Variants in FBXL7 observed in about 807,000 individuals in gnomAD.
FBXL7 encodes F-box and leucine rich repeat protein 7.
In FBXL7, 12 loss-of-function variants were observed where a neutral mutation model predicts 38.3. The observed-to-expected ratio is 0.31, with a 90% CI of 0.20 to 0.51. The LOEUF (loss-of-function observed/expected upper bound fraction) is 0.51, where lower values mean the gene tolerates loss of function less well. Ranked by LOEUF, FBXL7 falls within the 20% of genes least tolerant of loss-of-function variation. The probability of loss-of-function intolerance (pLI) is 0.98; values close to 1 mark genes in which losing one functional copy is unlikely to be tolerated. For missense variants in FBXL7, 567 were observed against 676.4 expected (o/e 0.84, Z 1.79); for synonymous variants, 297 against 300.9 (o/e 0.99, Z 0.13).
intron 2 of FBXL7, among the ~76,000 whole-genome samples, chr5:15,672,972 TC>T (rs1742530979): frequency 6.6e-6 from 1 of 152,196 alleles, no homozygotes. Flanking sequence ...CACCAGATTT[TC>T]CAGATGAGTG....
intron 1 of FBXL7, chr5:15,501,683 C>G: frequency 7.1e-6 from 7 of 985,412 alleles, no homozygotes; most frequent in African/African-American, 1.7e-5. Context: ...GGAGGAAACT[C>G]TTATCATCCT....
rs545316230 is a variant in FBXL7, at chr5:15,880,475, A to G, written c.128-47415A>G. On this transcript the variant is annotated intron_variant, in intron 2 of 3. Coordinates refer to ENST00000504595, the MANE Select transcript of FBXL7 (RefSeq NM_012304.5). ...GTGAACAGGTGCCCACCTGGGAACT[A>G]TGCAACCCAGTGACAAAGACAGAAG... Among the ~76,000 whole-genome samples the G allele has an allele frequency of 9.2e-5, 14 of 152,292 alleles. 1 individual carries two copies. The South Asian group carries it at 1.5e-3, about 16-fold the overall frequency.
intron 2 of FBXL7, among the ~76,000 whole-genome samples, chr5:15,744,169 C>G (rs754337657): frequency 6.6e-6 from 1 of 152,226 alleles, no homozygotes; most frequent in South Asian, 2.1e-4. Flanking sequence ...CTGAAGCCAG[C>G]TTAAATTTCT....
At chr5:15,724,621 ATT>A (rs1298925559) in intron 2 of FBXL7, among the ~76,000 whole-genome samples, 1 of 152,126 alleles carries the variant, frequency 6.6e-6, no homozygotes, top group Admixed American at 6.5e-5. Context: ...GGGGTCTGAA[ATT>A]TTTGCTGAGC....
intron 1 of FBXL7, among the ~76,000 whole-genome samples, chr5:15,513,962 C>G (rs1354057293): frequency 1.3e-5 from 2 of 152,066 alleles, no homozygotes; most frequent in Non-Finnish European, 2.9e-5. Context: ...ACCCTGCAAT[C>G]CTGTTTGGAG....
chr5:15,886,751 A>G (rs1326749651), intron 2 of FBXL7, among the ~76,000 whole-genome samples: 2 of 152,194 alleles, frequency 1.3e-5, no homozygotes, highest in Non-Finnish European at 2.9e-5. Context: ...TTCTAATAAA[A>G]TCTGACAAAA....
intron 1 of FBXL7, among the ~76,000 whole-genome samples, chr5:15,581,314 A>G (rs2126467602): frequency 6.6e-6 from 1 of 152,206 alleles, no homozygotes; most frequent in African/African-American, 2.4e-5. Flanking sequence ...AATGCATGAA[A>G]GACTAAATTC....
At chr5:15,834,702 A>G (rs930919554) in intron 2 of FBXL7, among the ~76,000 whole-genome samples, 2 of 152,144 alleles carry the variant, frequency 1.3e-5, no homozygotes, top group African/African-American at 4.8e-5. Context: ...TCATATCACA[A>G]CTCTGCCACG....
chr5:15,702,186 C>T (rs1368985124), intron 2 of FBXL7, among the ~76,000 whole-genome samples: 2 of 150,472 alleles, frequency 1.3e-5, no homozygotes, highest in African/African-American at 2.5e-5. Flanking sequence ...TGCCATGATC[C>T]GAGATTGCGC....
intron 2 of FBXL7, among the ~76,000 whole-genome samples, chr5:15,886,118 C>T (rs1740665802): frequency 6.6e-6 from 1 of 152,082 alleles, no homozygotes; most frequent in Non-Finnish European, 1.5e-5. Flanking sequence ...TCAACTGAGG[C>T]ACAAAGCTGG....
intron 1 of FBXL7, among the ~76,000 whole-genome samples, chr5:15,530,450 T>A (rs948513280): frequency 6.6e-6 from 1 of 152,186 alleles, no homozygotes; most frequent in Non-Finnish European, 1.5e-5. Flanking sequence ...CATTAAGGGA[T>A]CCTAGATCTT....
At chr5:15,873,023 A>G (rs1473591664) in intron 2 of FBXL7, among the ~76,000 whole-genome samples, 1 of 152,150 alleles carries the variant, frequency 6.6e-6, no homozygotes, top group Non-Finnish European at 1.5e-5. Context: ...TCAACCACAT[A>G]ATTGGAAGTA....
chr5:15,918,586 G>A (rs967229083), intron 2 of FBXL7, among the ~76,000 whole-genome samples: 4 of 152,178 alleles, frequency 2.6e-5, no homozygotes, highest in Non-Finnish European at 4.4e-5. Context: ...CGCTTAGTTC[G>A]GATCAGACTC....
chr5:15,928,520 A>G lies in FBXL7; in HGVS notation c.739+19A>G, dbSNP rs752042697. On this transcript the variant is annotated intron_variant, in intron 3 of 3. Coordinates refer to ENST00000504595, the MANE Select transcript of FBXL7 (RefSeq NM_012304.5). This position sits in a 1 kb window ranked among gnomAD's most constrained non-coding sequence, Gnocchi z 4.0. The stretch of plus-strand genomic sequence containing the variant: ...GTGTCAGGTAAATGGACACTGACCT[A>G]CCAGCTATGGGCCCTCCTGGTGCAC... 1.9e-6 allele frequency: 3 copies of G among 1,595,670 alleles called. No individual in the cohort carries two copies. The highest frequency in any genetic ancestry group is 3.4e-5 in the Admixed American group (2 of 59,354).
rs542442861 is a variant in FBXL7 at position 15,640,670 on chromosome 5, C to T, written c.127+24598C>T. 9.9e-5 allele frequency among the ~76,000 whole-genome samples: 15 copies of T among 151,982 alleles called. No individual in the cohort carries two copies. The East Asian group carries it at 2.1e-3, about 22-fold the overall frequency. On this transcript the variant is annotated intron_variant, in intron 2 of 3. Coordinates refer to ENST00000504595, the MANE Select transcript of FBXL7 (RefSeq NM_012304.5). ...TCCAGAGTAGCTGGGATTACAGGTG[C>T]GTGCCACCACACCCGGCTAATTTTT...
chr5:15,763,686 A>G (rs1736511226), intron 2 of FBXL7, among the ~76,000 whole-genome samples: 1 of 152,186 alleles, frequency 6.6e-6, no homozygotes, highest in Non-Finnish European at 1.5e-5. Flanking sequence ...AAGGTATTTG[A>G]ACTCACTTTT....
chr5:15,888,603 T>C (rs1451733213), intron 2 of FBXL7, among the ~76,000 whole-genome samples: 2 of 152,116 alleles, frequency 1.3e-5, no homozygotes, highest in African/African-American at 4.8e-5. Flanking sequence ...AAAGTGATTT[T>C]TTAAACCATG....
At chr5:15,793,371 T>C (rs1335650333) in intron 2 of FBXL7, among the ~76,000 whole-genome samples, 1 of 152,174 alleles carries the variant, frequency 6.6e-6, no homozygotes, top group East Asian at 1.9e-4. Context: ...AGTTCCTGGC[T>C]GGAAACTTCA....
At chr5:15,531,462 T>A (rs896033850) in intron 1 of FBXL7, among the ~76,000 whole-genome samples, 1 of 152,194 alleles carries the variant, frequency 6.6e-6, no homozygotes, top group Non-Finnish European at 1.5e-5. Flanking sequence ...TAAAATTTAA[T>A]GTCAAAGTTT....
Sources: gnomAD v4.1 joint callset for allele counts (sites outside exome capture counted in the v4.1 genomes callset) on GRCh38, gnomAD v4.1.1 for gene constraint, Gnocchi (gnomAD v3.1) non-coding constraint, MANE v1.5 for transcripts, NCBI Gene and HGNC (gene_info 2026-07-23, HGNC 2026-07-21) for gene names.